BRD8: variants seen among roughly 807,000 people sequenced by gnomAD.
BRD8 encodes the protein bromodomain-containing protein 8.
BRD8 carries 67 observed loss-of-function variants against 143.1 expected under a neutral mutation model. The observed-to-expected ratio is 0.47, with a 90% CI of 0.38 to 0.57. BRD8 has a LOEUF of 0.57. Among genes scored for constraint, BRD8 ranks in the 20% least tolerant of loss-of-function variants. The pLI is 0.00. For missense variants in BRD8, 1,103 were observed against 1,503.0 expected, an observed-to-expected ratio of 0.73 and a Z score of 4.40; for synonymous variants, 505 against 517.1, an observed-to-expected ratio of 0.98 and a Z score of 0.32.
In BRD8 at chr5:138,152,804, A is replaced by G. The variant is rs373610851; in HGVS notation, c.2578-44T>C. 3.8e-6 allele frequency: 6 copies of G among 1,581,576 alleles called. No homozygotes were observed. The African/African-American group carries it at 8.1e-5, about 21-fold the overall frequency. ...ACATGCATTAAATTCATTCAAATAAATATTCCTGAGGCATCTCCATCTCCC... is the reference window on the plus strand; with the variant it reads ...ACATGCATTAAATTCATTCAAATAAGTATTCCTGAGGCATCTCCATCTCCC... On this transcript the variant is annotated intron_variant, in intron 20 of 26. Transcript: ENST00000254900.
At chr5:138,169,455 G>T in intron 7 of BRD8, 97 bp from the exon 8 acceptor site, 2 of 1,341,878 alleles carry the variant, frequency 1.5e-6, no homozygotes, top group Non-Finnish European at 2.1e-6. Flanking sequence ...AAATAGGTAT[G>T]TTGCATTACT....
chr5:138,175,392 G>A (rs1754237864), intron 2 of BRD8, among the ~76,000 whole-genome samples: 1 of 152,084 alleles, frequency 6.6e-6, no homozygotes, highest in South Asian at 2.1e-4. Context: ...AAAGAAAGGG[G>A]GTGAGGGGCT....
At chr5:138,174,997 C>G (rs1241795044) in intron 2 of BRD8, among the ~76,000 whole-genome samples, 1 of 151,194 alleles carries the variant, frequency 6.6e-6, no homozygotes, top group Non-Finnish European at 1.5e-5. Context: ...TCACACCATT[C>G]TCCTGCCTCA....
In BRD8 at chr5:138,140,119, T is replaced by G; in HGVS notation, c.3663A>C (p.Glu1221Asp). The change falls in exon 27 of 27, where the codon GAA becomes GAC. Residue 1221 changes from glutamate (E) to aspartate (D), a missense_variant. Glu to Asp is a conservative substitution (Grantham distance 45). Coordinates refer to ENST00000254900, the MANE Select transcript of BRD8 (RefSeq NM_139199.2). ...CATCCACTGGGTTAGCTGGTTCTCC[T>G]TCCAGACTACTTGAGCCTTTTCTTT... ...LDKRKGSSSL[E>D]GEPANPVDDG... The G allele has an allele frequency of 6.2e-7, 1 of 1,614,030 alleles. No homozygotes were observed. The highest frequency in any genetic ancestry group is 8.5e-7 in the Non-Finnish European group (1 of 1,179,900).
At chr5:138,149,282 T>G (rs1052670351) in intron 23 of BRD8, among the ~76,000 whole-genome samples, 1 of 151,712 alleles carries the variant, frequency 6.6e-6, no homozygotes, top group Non-Finnish European at 1.5e-5. Context: ...TGGCTAATTT[T>G]TTTTTAATTT....
chr5:138,171,445 G>A, intron 3 of BRD8, 35 bp from the exon 4 acceptor site: 3 of 1,327,006 alleles, frequency 2.3e-6, no homozygotes, highest in Non-Finnish European at 2.1e-6. Flanking sequence ...AAAATGTGAT[G>A]AGCAAGGCTG....
intron 16 of BRD8, 47 bp downstream of exon 16, chr5:138,162,007 T>C (rs1753036088): frequency 1.9e-6 from 3 of 1,582,948 alleles, no homozygotes; most frequent in Non-Finnish European, 2.6e-6. Flanking sequence ...TCACCAACAA[T>C]GAAGAGTAGG....
At chr5:138,167,858 A>T (rs1307759764) in intron 9 of BRD8, 76 bp downstream of exon 9, 6 of 1,322,636 alleles carry the variant, frequency 4.5e-6, no homozygotes, top group Non-Finnish European at 4.4e-6. Flanking sequence ...ACAACTGCTT[A>T]GTAACAGTGA....
At chr5:138,167,695 G>A (rs943125565) in intron 9 of BRD8, 42 of 461,812 alleles carry the variant, frequency 9.1e-5, no homozygotes, top group African/African-American at 4.3e-4. Flanking sequence ...TAAGAAAGCA[G>A]TTCAATATTA....
chr5:138,155,677 C>T (rs968821383), intron 20 of BRD8, among the ~76,000 whole-genome samples: 1 of 150,308 alleles, frequency 6.7e-6, no homozygotes. Context: ...ACCACAGGTG[C>T]GTGCCACCAC....
rs759883982 is a variant in BRD8, at chr5:138,163,363, CA to C, written c.1873-20del. On this transcript the variant is annotated intron_variant, in intron 14 of 26. Coordinates refer to ENST00000254900, the MANE Select transcript of BRD8 (RefSeq NM_139199.2). ...GGGCATCCTTAGATACAGTATGCTC[CA>C]GTTAACAAATGCAAGCAAAGCTATC... is the stretch of plus-strand genomic sequence containing the variant. The C allele has an allele frequency of 1.2e-6, 2 of 1,611,770 alleles. No individual in the cohort carries two copies. Among genetic ancestry groups the C allele is most frequent in the Non-Finnish European group, 1.7e-6 (2 of 1,178,348 alleles).
At chr5:138,163,642 C>A (rs973253152) in intron 14 of BRD8, 2 of 1,401,942 alleles carry the variant, frequency 1.4e-6, no homozygotes, top group East Asian at 7.3e-5. Flanking sequence ...GTAACTCTGA[C>A]CCTGGGTACA....
intron 24 of BRD8, 70 bp from the exon 25 acceptor site, chr5:138,145,315 A>T: frequency 7.4e-7 from 1 of 1,358,230 alleles, no homozygotes; most frequent in Non-Finnish European, 1.0e-6. Flanking sequence ...AGAGTAGCTC[A>T]GTTCTTAGTA....
Position 138,145,872 on chromosome 5 carries a change from A to G in BRD8, c.3285T>C (p.Asp1095=). 6.2e-7 allele frequency: 1 copy of G among 1,613,442 alleles called. No individual in the cohort carries two copies. Among genetic ancestry groups the G allele is most frequent in the Non-Finnish European group, 8.5e-7 (1 of 1,179,478 alleles). Residue 1095 remains aspartate (D), a synonymous_variant, in exon 24 of 27, where the codon GAT becomes GAC. Transcript: ENST00000254900. ...CCTGAACAGGGTCATCCTGGCTTAG[A>G]TCAGTCCTATGAGGATAAAACATGA... ...FSHATSSKLT[D]LSQDDPVQDH...
Position 138,139,875 on chromosome 5 carries a change from C to G in BRD8, c.*199G>C. 3.7e-6 allele frequency: 2 copies of G among 542,096 alleles called. No individual in the cohort carries two copies. Among genetic ancestry groups the G allele is most frequent in the Non-Finnish European group, 6.5e-6 (2 of 306,388 alleles). The allele number at this position is 542,096 out of a possible 1,614,324, so 33.6% of individuals were successfully genotyped here. ...ACAAAGATGTGGGCAACATTTATGG[C>G]ATAAATCCAAACCTCAGCTTCCCCT... On this transcript the variant is annotated 3_prime_UTR_variant, in exon 27 of 27. Transcript: ENST00000254900.
In BRD8 at chr5:138,165,214, G is replaced by C. The variant is rs1753303380; in HGVS notation, c.1279-48C>G. On this transcript the variant is annotated intron_variant, in intron 11 of 26. Transcript: ENST00000254900. ...ATTGAGGTCACAGAAAGAAGCCCAA[G>C]TCCTTCAATTTTTGTTAGCACCAAA... 14 of 1,567,326 alleles carry C rather than the reference G, an allele frequency of 8.9e-6. No individual in the cohort carries two copies. The East Asian group carries it at 3.2e-4, about 35-fold the overall frequency.
intron 18 of BRD8, 140 bp downstream of exon 18, chr5:138,160,751 C>G: frequency 1.4e-6 from 1 of 710,814 alleles, no homozygotes; most frequent in Non-Finnish European, 2.1e-6. Context: ...AAAGTAAGAA[C>G]AAAATATTAT....
chr5:138,145,787 A>G lies in BRD8; in HGVS notation c.3368+2T>C. ...AATCCTATTACCACTTTGGAGACCT[A>G]CCTGTGACTGGCAATCATCTTCCAG... On this transcript the variant is annotated splice_donor_variant, in intron 24 of 26. Transcript: ENST00000254900. LOFTEE classifies it high-confidence loss of function. 6.2e-7 allele frequency: 1 copy of G among 1,613,216 alleles called. No individual in the cohort carries two copies. Among genetic ancestry groups the G allele is most frequent in the Non-Finnish European group, 8.5e-7 (1 of 1,179,186 alleles).
Position 138,145,845 on chromosome 5 carries a change from A to G in BRD8, c.3312T>C (p.Asp1104=). 1 of 1,614,052 alleles carries G rather than the reference A, an allele frequency of 6.2e-7. No homozygotes were observed. The highest frequency in any genetic ancestry group is 1.1e-5 in the South Asian group (1 of 91,080). The change falls in exon 24 of 27, where the codon GAT becomes GAC. Residue 1104 remains aspartate, a synonymous_variant. Coordinates refer to ENST00000254900, the MANE Select transcript of BRD8 (RefSeq NM_139199.2). The part of the protein sequence containing the change: ...TDLSQDDPVQ[D]HLLFKKTLLP... ...GGAGAGTCTTCTTAAATAGCAAATG[A>G]TCCTGAACAGGGTCATCCTGGCTTA...
Sources: gnomAD v4.1 joint callset for allele counts (sites outside exome capture counted in the v4.1 genomes callset) on GRCh38, gnomAD v4.1.1 for gene constraint, MANE v1.5 for transcripts, NCBI Gene and HGNC (gene_info 2026-07-23, HGNC 2026-07-21) for gene names.